MACROD2: variants seen among roughly 807,000 people sequenced by gnomAD.
MACROD2 encodes ADP-ribose glycohydrolase MACROD2.
Under a neutral mutation model 70.4 loss-of-function variants are expected in MACROD2, and 36 were observed. The observed-to-expected ratio is 0.51, with a 90% CI of 0.39 to 0.68. MACROD2 has a LOEUF of 0.68. Ranked by LOEUF, MACROD2 falls within the 30% of genes least tolerant of loss-of-function variation. The probability of loss-of-function intolerance (pLI) is 0.00; values close to 1 mark genes in which losing one functional copy is unlikely to be tolerated. For missense variants in MACROD2, 496 were observed against 538.4 expected (o/e 0.92, Z 0.78); for synonymous variants, 172 against 178.8 (o/e 0.96, Z 0.30).
At chr20:14,131,975 C>CA (rs562780166) in intron 3 of MACROD2, among the ~76,000 whole-genome samples, 2 of 151,846 alleles carry the variant, frequency 1.3e-5, no homozygotes, top group Admixed American at 1.3e-4. Context: ...ACTAAAAATA[C>CA]AAAAAATTAG....
chr20:14,002,154 C>G, intron 1 of MACROD2, 134 bp from the exon 2 acceptor site: 1 of 448,050 alleles, frequency 2.2e-6, no homozygotes. Flanking sequence ...TATGGAGTCA[C>G]TGGATTTGCA....
intron 5 of MACROD2, among the ~76,000 whole-genome samples, chr20:14,927,885 A>C (rs2074252711): frequency 6.6e-6 from 1 of 152,218 alleles, no homozygotes; most frequent in Non-Finnish European, 1.5e-5. Flanking sequence ...CTTGATCAAA[A>C]TTCTGTTTAG....
At chr20:15,854,162 A>G (rs916608090) in intron 8 of MACROD2, among the ~76,000 whole-genome samples, 1 of 152,212 alleles carries the variant, frequency 6.6e-6, no homozygotes, top group Non-Finnish European at 1.5e-5. Context: ...CAGAGGGAAT[A>G]AAGGTATTGA....
At chr20:15,826,414 G>T (rs1815080712) in intron 8 of MACROD2, among the ~76,000 whole-genome samples, 1 of 152,136 alleles carries the variant, frequency 6.6e-6, no homozygotes, top group Non-Finnish European at 1.5e-5. Context: ...GAACTTGGAG[G>T]TTTTAGAAGT....
intron 8 of MACROD2, among the ~76,000 whole-genome samples, chr20:15,713,536 G>GGAGAGA (rs34377128): frequency 1.3e-5 from 2 of 150,362 alleles, no homozygotes; most frequent in Admixed American, 6.6e-5. Context: ...CTCGATGGCA[G>GGAGAGA]GAGAGAGAGA....
chr20:15,415,910 T>C (rs1015281536), intron 6 of MACROD2, among the ~76,000 whole-genome samples: 1 of 152,180 alleles, frequency 6.6e-6, no homozygotes, highest in Non-Finnish European at 1.5e-5. Context: ...GTTTGTCACA[T>C]TTTGCAAAAC....
intron 5 of MACROD2, among the ~76,000 whole-genome samples, chr20:14,963,839 T>A (rs906016666): frequency 6.6e-6 from 1 of 152,184 alleles, no homozygotes; most frequent in Non-Finnish European, 1.5e-5. Context: ...CATGGTCTAG[T>A]CCCCAGAACT....
At chr20:15,653,044 T>C (rs1430889400) in intron 8 of MACROD2, among the ~76,000 whole-genome samples, 1 of 152,186 alleles carries the variant, frequency 6.6e-6, no homozygotes, top group Non-Finnish European at 1.5e-5. Flanking sequence ...TAAAAGATAA[T>C]ACATTAGAAA....
intron 15 of MACROD2, among the ~76,000 whole-genome samples, chr20:16,031,179 A>G (rs1373464406): frequency 2.0e-5 from 3 of 152,166 alleles, no homozygotes; most frequent in Non-Finnish European, 4.4e-5. Flanking sequence ...AAAAACAATC[A>G]AATAGGAAAT....
chr20:15,625,432 G>T (rs1334815585), intron 8 of MACROD2, among the ~76,000 whole-genome samples: 2 of 152,158 alleles, frequency 1.3e-5, no homozygotes, highest in Non-Finnish European at 2.9e-5. Flanking sequence ...ATGGCAATGG[G>T]TAAAGACATG....
chr20:15,832,117 A>G (rs1362293126), intron 8 of MACROD2, among the ~76,000 whole-genome samples: 1 of 151,288 alleles, frequency 6.6e-6, no homozygotes, highest in Non-Finnish European at 1.5e-5. Context: ...AATGGAAAAA[A>G]GTTCCAATAC....
rs753673265 is a variant in MACROD2, at chr20:14,720,536, C to CTTTTTTTTTTTTTTTTTTTTTTTTTT, written c.418+35586_418+35611dup. Among the ~76,000 whole-genome samples the CTTTTTTTTTTTTTTTTTTTTTTTTTT allele has an allele frequency of 2.5e-4, 9 of 35,946 alleles. 2 individuals are homozygous for CTTTTTTTTTTTTTTTTTTTTTTTTTT. The highest frequency in any genetic ancestry group is 3.2e-4 in the African/African-American group (3 of 9,260). 23.6% of individuals were successfully genotyped at this position (35,946 alleles called of 152,430 possible). A position where few individuals can be genotyped will look rare whatever the true frequency, so the allele number is the denominator to read the frequency against. ...GTTTCATTTCCCAGCTGCCCCACAA[C>CTTTTTTTTTTTTTTTTTTTTTTTTTT]TTTTTTTTTTTTTTTTTTTTTTTTT... On this transcript the variant is annotated intron_variant, in intron 5 of 17. Transcript: ENST00000684519.
chr20:15,394,534 T>G (rs1202711897), intron 6 of MACROD2, among the ~76,000 whole-genome samples: 2 of 152,214 alleles, frequency 1.3e-5, no homozygotes, highest in African/African-American at 4.8e-5. Flanking sequence ...CTTGACAATA[T>G]GAAAAGCAGA....
At position 15,387,100 on chromosome 20, in the gene MACROD2, G is replaced by A. The variant is rs1341284362; in HGVS notation, c.541-44305G>A. ...TAACTAATCAAAATTCACAGTAAGTGTGAGGAAAACAAAGCCAAACTGGCA... is the reference window on the plus strand; with the variant it reads ...TAACTAATCAAAATTCACAGTAAGTATGAGGAAAACAAAGCCAAACTGGCA... On this transcript the variant is annotated intron_variant, in intron 6 of 17. Coordinates refer to ENST00000684519, the MANE Select transcript of MACROD2 (RefSeq NM_001351661.2). 2.0e-5 allele frequency among the ~76,000 whole-genome samples: 3 copies of A among 152,196 alleles called. No homozygotes were observed. In the East Asian group the frequency reaches 5.8e-4, roughly 29 times the overall value.
chr20:14,874,969 T>C lies in MACROD2; in HGVS notation c.418+190010T>C, dbSNP rs1231327179. On this transcript the variant is annotated intron_variant, in intron 5 of 17. Coordinates refer to ENST00000684519, the MANE Select transcript of MACROD2 (RefSeq NM_001351661.2). ...ATCTGCCTGCCTTGGCCTCCCAAAGTGCTGGGATTGCAGGCATGAGCCGCT... is the reference window on the plus strand; with the variant it reads ...ATCTGCCTGCCTTGGCCTCCCAAAGCGCTGGGATTGCAGGCATGAGCCGCT... Among the ~76,000 whole-genome samples the C allele has an allele frequency of 2.0e-5, 3 of 151,884 alleles. No homozygotes were observed. The East Asian group carries it at 5.9e-4, about 30-fold the overall frequency.
At chr20:16,003,994 C>T (rs1435782696) in intron 15 of MACROD2, among the ~76,000 whole-genome samples, 1 of 152,006 alleles carries the variant, frequency 6.6e-6, no homozygotes, top group Non-Finnish European at 1.5e-5. Context: ...TAATGAGTTC[C>T]CAGGTGATGG....
chr20:15,403,952 G>T (rs2045964490), intron 6 of MACROD2, among the ~76,000 whole-genome samples: 1 of 152,156 alleles, frequency 6.6e-6, no homozygotes, highest in African/African-American at 2.4e-5. Flanking sequence ...AAGCAATAGA[G>T]CAAGAGGAGT....
intron 6 of MACROD2, among the ~76,000 whole-genome samples, chr20:15,308,583 A>G (rs986048755): frequency 1.3e-5 from 2 of 152,238 alleles, no homozygotes. Context: ...AAGGTCATTC[A>G]CATTGGAATT....
intron 5 of MACROD2, among the ~76,000 whole-genome samples, chr20:15,214,566 A>T (rs2076792447): frequency 6.6e-6 from 1 of 152,188 alleles, no homozygotes; most frequent in East Asian, 1.9e-4. Flanking sequence ...ATATAAAAAG[A>T]ACATTAAAAT....
Sources: allele counts gnomAD v4.1 joint callset (sites outside exome capture counted in the v4.1 genomes callset), GRCh38; gene constraint gnomAD v4.1.1; transcripts MANE v1.5; gene names NCBI Gene and HGNC (gene_info 2026-07-23, HGNC 2026-07-21).